NOTUM: variants seen among roughly 807,000 people sequenced by gnomAD.
NOTUM encodes the protein notum, palmitoleoyl-protein carboxylesterase, also known as palmitoleoyl-protein carboxylesterase NOTUM.
NOTUM carries 36 observed loss-of-function variants against 65.5 expected under a neutral mutation model. That is an observed-to-expected ratio of 0.55 (90% CI 0.42 to 0.73). The LOEUF is 0.73. Among genes scored for constraint, NOTUM ranks in the 30% least tolerant of loss-of-function variants. The probability of loss-of-function intolerance (pLI) is 0.00; values close to 1 mark genes in which losing one functional copy is unlikely to be tolerated. For synonymous variants in NOTUM, 356 were observed against 297.9 expected (o/e 1.20, Z -2.01); for missense variants, 659 against 694.2 (o/e 0.95, Z 0.57).
chr17:81,957,065 GC>G lies in NOTUM; in HGVS notation c.704del (p.Gly235AlafsTer6). 1 of 1,600,342 alleles carries G rather than the reference GC, an allele frequency of 6.2e-7. No homozygotes were observed. The highest frequency in any genetic ancestry group is 8.5e-7 in the Non-Finnish European group (1 of 1,177,134). ...VLLLAGSSAGGTGVLLNVDRV... is the reference protein window; with the variant it reads ...VLLLAGSSAGXTGVLLNVDRV... ...GGTCCACATTCAGGAGCACCCCGGT[GC>G]CCCCCGCGCTGCAAGGAGGGCCAGA... On this transcript the variant is annotated frameshift_variant, in exon 7 of 11. Coordinates refer to ENST00000409678, the MANE Select transcript of NOTUM (RefSeq NM_178493.6). LOFTEE classifies it high-confidence loss of function.
rs1205851736 is a variant in NOTUM, at chr17:81,959,454, C to T, written c.472+17G>A. On this transcript the variant is annotated intron_variant, in intron 3 of 10. Transcript: ENST00000409678. ...GGGCCTCACGTCGAGACGCCTTCCC[C>T]AGGGCCCGCCGCTGACCTGTGCGAG... 28 of 1,539,082 alleles carry T rather than the reference C, an allele frequency of 1.8e-5. No homozygotes were observed. The highest frequency in any genetic ancestry group is 2.3e-5 in the Non-Finnish European group (26 of 1,141,448).
In NOTUM at chr17:81,960,619, G is replaced by A. The variant is rs1002593175; in HGVS notation, c.291C>T (p.Thr97=). 10 of 1,532,836 alleles carry A rather than the reference G, an allele frequency of 6.5e-6. No individual in the cohort carries two copies. The highest frequency in any genetic ancestry group is 4.1e-5 in the African/African-American group (3 of 72,690). The allele number at this position is 1,532,836 out of a possible 1,614,324, so 95.0% of individuals were successfully genotyped here. Reference sequence around the variant, plus strand: ...GGCTGCCGTCGTTGCAGGTCACCGAGGTGTTGAGTAGGAGGTGCAGGCGCA... The same window carrying A: ...GGCTGCCGTCGTTGCAGGTCACCGAAGTGTTGAGTAGGAGGTGCAGGCGCA... ...EDLRLHLLLN[T]SVTCNDGSPA... Residue 97 remains threonine, a synonymous_variant, in exon 1 of 11, where the codon ACC becomes ACT. Transcript: ENST00000409678. This position sits in a 1 kb window ranked among gnomAD's most constrained non-coding sequence, Gnocchi z 6.4.
At chr17:81,956,577 C>T (rs903099208) in intron 8 of NOTUM, 73 bp downstream of exon 8, 52 of 1,054,656 alleles carry the variant, frequency 4.9e-5, no homozygotes, top group Middle Eastern at 2.0e-4. Flanking sequence ...CTGGAGTCCA[C>T]GCTGGATTTT....
In NOTUM at chr17:81,957,065, G is replaced by GC. The variant is rs778719752; in HGVS notation, c.704dup (p.Thr236HisfsTer12). The stretch of plus-strand genomic sequence containing the variant: ...GGTCCACATTCAGGAGCACCCCGGT[G>GC]CCCCCCGCGCTGCAAGGAGGGCCAG... On this transcript the variant is annotated frameshift_variant, in exon 7 of 11. Coordinates refer to ENST00000409678, the MANE Select transcript of NOTUM (RefSeq NM_178493.6). LOFTEE classifies it high-confidence loss of function. The GC allele has an allele frequency of 1.2e-6, 2 of 1,600,344 alleles. No homozygotes were observed. The highest frequency in any genetic ancestry group is 8.5e-7 in the Non-Finnish European group (1 of 1,177,130).
chr17:81,958,558 T>C (rs1280401357), intron 4 of NOTUM, among the ~76,000 whole-genome samples, 165 bp from the exon 5 acceptor site: 2 of 146,332 alleles, frequency 1.4e-5, no homozygotes, highest in African/African-American at 5.2e-5. Flanking sequence ...TCCAGCGTAA[T>C]ACTCCTCAGG....
chr17:81,958,372 A>G lies in NOTUM; in HGVS notation c.555T>C (p.Ser185=). Residue 185 remains serine (S), a synonymous_variant, in exon 5 of 11, where the codon AGT becomes AGC. Coordinates refer to ENST00000409678, the MANE Select transcript of NOTUM (RefSeq NM_178493.6). ...TGGATGAAGCCCCGCTCCAAACATC[A>G]CTGGAGCAGTAGGGGATGAAGCTGC... is the stretch of plus-strand genomic sequence containing the variant. ...ANMVFIPYCS[S]DVWSGASSKS... 1.2e-6 allele frequency: 2 copies of G among 1,610,208 alleles called. No individual in the cohort carries two copies. The highest frequency in any genetic ancestry group is 1.7e-6 in the Non-Finnish European group (2 of 1,177,886).
Position 81,959,631 on chromosome 17 carries a change from T to C in NOTUM, c.376+9A>G. The stretch of plus-strand genomic sequence containing the variant: ...CCCCGGCCTCCCCCCGCCTCAGCCC[T>C]GGACGCACCTTCCAGGAAGAGGAGC... On this transcript the variant is annotated intron_variant, in intron 2 of 10. Transcript: ENST00000409678. The C allele has an allele frequency of 1.3e-6, 2 of 1,545,376 alleles. No homozygotes were observed. The highest frequency in any genetic ancestry group is 1.4e-5 in the African/African-American group (1 of 72,602).
At chr17:81,959,597 C>T in intron 2 of NOTUM, 31 bp from the exon 3 acceptor site, 1 of 1,546,608 alleles carries the variant, frequency 6.5e-7, no homozygotes, top group Non-Finnish European at 8.7e-7. Context: ...CAGGCCCGCG[C>T]GCACAGACCC....
rs764669509 is a variant in NOTUM, at chr17:81,960,740, G to C, written c.170C>G (p.Thr57Arg). 1.3e-6 allele frequency: 2 copies of C among 1,598,322 alleles called. No homozygotes were observed. The highest frequency in any genetic ancestry group is 1.3e-5 in the African/African-American group (1 of 74,682). Residue 57 changes from threonine to arginine, a missense_variant, in exon 1 of 11, where the codon ACG (threonine) becomes AGG (arginine). Coordinates refer to ENST00000409678, the MANE Select transcript of NOTUM (RefSeq NM_178493.6). This position sits in a 1 kb window ranked among gnomAD's most constrained non-coding sequence, Gnocchi z 6.4. ...QPVESFPLDFTAVEGNMDSFM... is the reference protein window; with the variant it reads ...QPVESFPLDFRAVEGNMDSFM... Reference sequence around the variant, plus strand: ...GCTGTCCATGTTACCCTCCACGGCCGTGAAGTCCAGCGGGAAGCTCTCCAC... The same window carrying C: ...GCTGTCCATGTTACCCTCCACGGCCCTGAAGTCCAGCGGGAAGCTCTCCAC...
At chr17:81,953,406 C>G in intron 10 of NOTUM, 139 bp from the exon 11 acceptor site, 1 of 617,196 alleles carries the variant, frequency 1.6e-6, no homozygotes, top group Non-Finnish European at 2.9e-6. Flanking sequence ...AGCGATTCTC[C>G]TGCCTCAGCC....
At chr17:81,959,725 C>A (rs1430098280) in intron 1 of NOTUM, 33 bp from the exon 2 acceptor site, 14 of 1,327,616 alleles carry the variant, frequency 1.1e-5, no homozygotes, top group Non-Finnish European at 1.4e-5. Context: ...GGGGGTCGGC[C>A]AGGGCTGCCG....
At chr17:81,954,945 CT>C (rs1184038286) in intron 9 of NOTUM, among the ~76,000 whole-genome samples, 2 of 116,214 alleles carry the variant, frequency 1.7e-5, no homozygotes, top group Admixed American at 8.3e-5. Flanking sequence ...CTCTCTCTCT[CT>C]CTCTCTCTCT....
chr17:81,956,640 G>A lies in NOTUM; in HGVS notation c.988+10C>T, dbSNP rs772930335. On this transcript the variant is annotated intron_variant, in intron 8 of 10. Coordinates refer to ENST00000409678, the MANE Select transcript of NOTUM (RefSeq NM_178493.6). ...GCTGCCCTGTGTGCTCCGCTCTGCC[G>A]CCCACTCACAGCGCAGGGTCGGGTA... is the stretch of plus-strand genomic sequence containing the variant. 1.4e-5 allele frequency: 22 copies of A among 1,583,548 alleles called. No individual in the cohort carries two copies. The highest frequency in any genetic ancestry group is 3.3e-5 in the Admixed American group (2 of 59,806).
chr17:81,959,772 G>A (rs2041460269), intron 1 of NOTUM, 80 bp from the exon 2 acceptor site: 9 of 873,028 alleles, frequency 1.0e-5, no homozygotes, highest in Middle Eastern at 3.9e-4. Context: ...CCGGCGGAGG[G>A]AACGCGCCAC....
At position 81,954,240 on chromosome 17, in the gene NOTUM, G is replaced by C. The variant is rs754612938; in HGVS notation, c.1184+16C>G. The C allele has an allele frequency of 5.0e-6, 8 of 1,602,364 alleles. No homozygotes were observed. Among genetic ancestry groups the C allele is most frequent in the Non-Finnish European group, 6.8e-6 (8 of 1,169,296 alleles). The stretch of plus-strand genomic sequence containing the variant: ...TGATGTCATGGACGCAAGCTGCCCG[G>C]AGCAGGGACACTGACCTCCGGATGA... On this transcript the variant is annotated intron_variant, in intron 10 of 10. Coordinates refer to ENST00000409678, the MANE Select transcript of NOTUM (RefSeq NM_178493.6).
In NOTUM at chr17:81,953,128, AGGGGCAGCTGTCCACCAGGTGGAC is replaced by A; in HGVS notation, c.1300_1323del (p.Val434_Pro441del). On this transcript the variant is annotated inframe_deletion, in exon 11 of 11. Transcript: ENST00000409678. ...GGGCATGAGGGGTTGCAGTGGGGCC[AGGGGCAGCTGTCCACCAGGTGGAC>A]GGGGCAGCCCTTGAGGGGGGTCTTG... is the stretch of plus-strand genomic sequence containing the variant. The A allele has an allele frequency of 6.2e-7, 1 of 1,613,574 alleles. No homozygotes were observed. The highest frequency in any genetic ancestry group is 8.5e-7 in the Non-Finnish European group (1 of 1,179,750).
Position 81,960,880 on chromosome 17 carries a change from C to G in NOTUM, c.30G>C (p.Leu10=), listed in dbSNP as rs1022805795. MGRGVRVLL[L]LSLLHCAGGS... ...CCCCGGCGCAGTGCAGCAGGCTCAG[C>G]AGCAGCAGCACGCGCACCCCTCGGC... The change falls in exon 1 of 11, where the codon CTG becomes CTC. Residue 10 remains leucine, a synonymous_variant. Transcript: ENST00000409678. This position sits in a 1 kb window ranked among gnomAD's most constrained non-coding sequence, Gnocchi z 6.4. 6.5e-6 allele frequency: 9 copies of G among 1,390,892 alleles called. No homozygotes were observed. Among genetic ancestry groups the G allele is most frequent in the Admixed American group, 6.2e-5 (2 of 32,112 alleles). 86.2% of individuals were successfully genotyped at this position (1,390,892 alleles called of 1,614,324 possible).
At chr17:81,958,273 TCCCTGCCCTGCCATCCGGCCCCGTCCCTG>T in intron 5 of NOTUM, 33 bp downstream of exon 5, 2 of 1,144,246 alleles carry the variant, frequency 1.7e-6, no homozygotes, top group Non-Finnish European at 2.6e-6. Flanking sequence ...TCCTGCCTCC[TCCCTGCCCTGCCATCCGGCCCCGTCCCTG>T]CCCTGCCATG....
Position 81,952,790 on chromosome 17 carries a change from G to A in NOTUM, c.*171C>T. 1 of 628,138 alleles carries A rather than the reference G, an allele frequency of 1.6e-6. No homozygotes were observed. The highest frequency in any genetic ancestry group is 2.8e-6 in the Non-Finnish European group (1 of 355,912). The allele number at this position is 628,138 out of a possible 1,614,324, so 38.9% of individuals were successfully genotyped here. A position where few individuals can be genotyped will look rare whatever the true frequency, so the allele number is the denominator to read the frequency against. ...TCCCTTGTCTCTGGCTGGGCTGTGGGAGAGGGGCAGGGAAAGCCGGGGCAG... is the reference window on the plus strand; with the variant it reads ...TCCCTTGTCTCTGGCTGGGCTGTGGAAGAGGGGCAGGGAAAGCCGGGGCAG... On this transcript the variant is annotated 3_prime_UTR_variant, in exon 11 of 11. Transcript: ENST00000409678.
Sources: allele counts gnomAD v4.1 joint callset (sites outside exome capture counted in the v4.1 genomes callset), GRCh38; gene constraint gnomAD v4.1.1; non-coding constraint Gnocchi (gnomAD v3.1); transcripts MANE v1.5; gene names NCBI Gene and HGNC (gene_info 2026-07-23, HGNC 2026-07-21).